The following EPM2A variants were observed in gnomAD, a reference collection of about 807,000 sequenced individuals.
EPM2A encodes laforin.
In EPM2A, 21 loss-of-function variants were observed where a neutral mutation model predicts 26.5. That is an observed-to-expected ratio of 0.79 (90% CI 0.56 to 1.14). The LOEUF (loss-of-function observed/expected upper bound fraction) is 1.14. Ranked by LOEUF, EPM2A falls within the 50% of genes most tolerant of loss-of-function variation. EPM2A has a pLI of 0.00. For synonymous variants in EPM2A, 217 were observed against 177.6 expected, an observed-to-expected ratio of 1.22 and a Z score of -1.76; for missense variants, 458 against 440.8, an observed-to-expected ratio of 1.04 and a Z score of -0.35.
chr6:145,540,176 T>C (rs1356655595), intron 2 of EPM2A, among the ~76,000 whole-genome samples: 1 of 152,178 alleles, frequency 6.6e-6, no homozygotes, highest in Non-Finnish European at 1.5e-5. Flanking sequence ...CAACAAACTA[T>C]CTTTTCAATG....
intron 2 of EPM2A, among the ~76,000 whole-genome samples, chr6:145,516,276 T>C (rs539837049): frequency 6.6e-6 from 1 of 152,276 alleles, no homozygotes; most frequent in African/African-American, 2.4e-5. Flanking sequence ...GTAGCTACTG[T>C]TCTCAAGGCA....
Position 145,626,828 on chromosome 6 carries a change from T to C in EPM2A, c.*588A>G, listed in dbSNP as rs1055460673. ...CTACTTTAGTTGTTACACAGGGTTG[T>C]TGGGTAGAGAAGGAAGGTGATGCCT... On this transcript the variant is annotated 3_prime_UTR_variant, in exon 4 of 4. Transcript: ENST00000367519. 85 of 987,642 alleles carry C rather than the reference T, an allele frequency of 8.6e-5. No individual in the cohort carries two copies. The highest frequency in any genetic ancestry group is 9.9e-5 in the Non-Finnish European group (82 of 831,436). 61.2% of individuals were successfully genotyped at this position (987,642 alleles called of 1,614,324 possible). A position where few individuals can be genotyped will look rare whatever the true frequency, so the allele number is the denominator to read the frequency against.
intron 1 of EPM2A, among the ~76,000 whole-genome samples, chr6:145,715,538 C>A (rs1775569445): frequency 6.6e-6 from 1 of 152,176 alleles, no homozygotes; most frequent in Admixed American, 6.5e-5. Context: ...GGGTCCCAAC[C>A]TCTGGCCAAC....
At chr6:145,702,387 C>T (rs185286972) in intron 1 of EPM2A, among the ~76,000 whole-genome samples, 1 of 152,042 alleles carries the variant, frequency 6.6e-6, no homozygotes, top group African/African-American at 2.4e-5. Context: ...ACTCAGACTT[C>T]ATTCCAAGTT....
intron 2 of EPM2A, among the ~76,000 whole-genome samples, chr6:145,660,694 C>T (rs559421620): frequency 1.3e-5 from 2 of 152,144 alleles, no homozygotes; most frequent in East Asian, 1.9e-4. Flanking sequence ...CCCAGCTACT[C>T]GAGAGGCTGA....
At chr6:145,489,917 G>T in intron 4 of EPM2A, 1 of 1,350,176 alleles carries the variant, frequency 7.4e-7, no homozygotes, top group South Asian at 1.2e-5. Context: ...GTCTGAATTC[G>T]ACCCACTTCT....
At chr6:145,660,363 T>A (rs1409308641) in intron 2 of EPM2A, among the ~76,000 whole-genome samples, 1 of 152,128 alleles carries the variant, frequency 6.6e-6, no homozygotes, top group African/African-American at 2.4e-5. Context: ...TTGAAAAACT[T>A]TAAGAATACC....
intron 1 of EPM2A, among the ~76,000 whole-genome samples, chr6:145,722,509 A>C (rs1221903821): frequency 1.3e-5 from 2 of 152,174 alleles, no homozygotes; most frequent in Non-Finnish European, 2.9e-5. Flanking sequence ...GGGATATTAA[A>C]ATTTACTTGC....
At chr6:145,675,468 T>C (rs573800795) in intron 2 of EPM2A, among the ~76,000 whole-genome samples, 5 of 152,014 alleles carry the variant, frequency 3.3e-5, no homozygotes, top group Non-Finnish European at 7.4e-5. Flanking sequence ...GCTAAATGCC[T>C]CAATTAAAAG....
At chr6:145,578,619 A>G (rs1408807906) in intron 2 of EPM2A, among the ~76,000 whole-genome samples, 1 of 152,224 alleles carries the variant, frequency 6.6e-6, no homozygotes, top group Non-Finnish European at 1.5e-5. Context: ...TAAAGGACTA[A>G]TACCAATCCT....
chr6:145,692,834 G>T (rs1781360068), intron 1 of EPM2A, among the ~76,000 whole-genome samples: 1 of 152,078 alleles, frequency 6.6e-6, no homozygotes, highest in African/African-American at 2.4e-5. Context: ...AGTATAGTTT[G>T]AAGTCAAGTA....
chr6:145,711,661 A>G (rs988003021), intron 1 of EPM2A, among the ~76,000 whole-genome samples: 6 of 152,190 alleles, frequency 3.9e-5, no homozygotes, highest in African/African-American at 1.4e-4. Context: ...CAGATAAATG[A>G]TAGTATTAGA....
intron 4 of EPM2A, among the ~76,000 whole-genome samples, chr6:145,450,476 G>C (rs1779183422): frequency 6.6e-6 from 1 of 151,906 alleles, no homozygotes. Flanking sequence ...CAGCAGAACT[G>C]TATATGTATT....
At chr6:145,560,032 A>ATGT (rs1399802205) in intron 2 of EPM2A, among the ~76,000 whole-genome samples, 3 of 152,154 alleles carry the variant, frequency 2.0e-5, no homozygotes, top group Non-Finnish European at 4.4e-5. Flanking sequence ...AAGTTCTCAA[A>ATGT]TGTTAAAGTA....
At chr6:145,677,368 G>C (rs976364591) in intron 2 of EPM2A, among the ~76,000 whole-genome samples, 2 of 152,056 alleles carry the variant, frequency 1.3e-5, no homozygotes, top group African/African-American at 4.8e-5. Flanking sequence ...TTTGAAAACC[G>C]GCACAAGACA....
chr6:145,681,664 G>A (rs1583043703), intron 2 of EPM2A, among the ~76,000 whole-genome samples: 1 of 151,680 alleles, frequency 6.6e-6, no homozygotes, highest in African/African-American at 2.4e-5. Context: ...TTTCCCCATT[G>A]CTTGTTTTTC....
At chr6:145,562,094 C>T (rs1201757748) in intron 2 of EPM2A, among the ~76,000 whole-genome samples, 1 of 124,014 alleles carries the variant, frequency 8.1e-6, no homozygotes, top group Non-Finnish European at 1.7e-5. Context: ...GAAAAAAATG[C>T]AAAAAAAACT....
At chr6:145,716,196 A>G (rs1775611231) in intron 1 of EPM2A, among the ~76,000 whole-genome samples, 1 of 152,178 alleles carries the variant, frequency 6.6e-6, no homozygotes, top group Non-Finnish European at 1.5e-5. Context: ...TGAATATTAG[A>G]TTGGTTGAAT....
intron 2 of EPM2A, chr6:145,670,767 T>C (rs1346909762): frequency 1.4e-5 from 3 of 217,142 alleles, no homozygotes; most frequent in African/African-American, 2.4e-5. Context: ...ATTTCTCTTA[T>C]ATAAAAATAT....
Sources: allele counts gnomAD v4.1 joint callset (sites outside exome capture counted in the v4.1 genomes callset), GRCh38; gene constraint gnomAD v4.1.1; transcripts MANE v1.5; gene names NCBI Gene and HGNC (gene_info 2026-07-23, HGNC 2026-07-21).